ZNF878: variants seen among roughly 807,000 people sequenced by gnomAD.
The protein encoded by ZNF878 is zinc finger protein 878.
ZNF878 carries 10 observed loss-of-function variants against 11.1 expected under a neutral mutation model. The observed-to-expected ratio is 0.90, with a 90% CI of 0.56 to 1.53. ZNF878 has a LOEUF of 1.53. ZNF878 is among the 40% of genes most tolerant of loss of function. The pLI, the probability that ZNF878 is intolerant of heterozygous loss-of-function variation, is 0.00. For synonymous variants in ZNF878, 165 were observed against 209.7 expected (o/e 0.79, Z 1.84); for missense variants, 548 against 626.1 (o/e 0.88, Z 1.33).
At chr19:12,045,489 A>C (rs1054067665) in intron 3 of ZNF878, among the ~76,000 whole-genome samples, 1 of 151,996 alleles carries the variant, frequency 6.6e-6, no homozygotes, top group Non-Finnish European at 1.5e-5. Context: ...CTACTAAAAA[A>C]TACAAAAAAT....
intron 1 of ZNF878, among the ~76,000 whole-genome samples, chr19:12,048,300 C>T (rs1975514712): frequency 6.6e-6 from 1 of 151,378 alleles, no homozygotes; most frequent in Non-Finnish European, 1.5e-5. Context: ...GGGTGGATCA[C>T]GAGGTCAGGA....
chr19:12,044,049 T>C lies in ZNF878; in HGVS notation c.1352A>G (p.Tyr451Cys). The C allele has an allele frequency of 1.2e-6, 2 of 1,614,018 alleles. No individual in the cohort carries two copies. The highest frequency in any genetic ancestry group is 1.7e-6 in the Non-Finnish European group (2 of 1,180,004). Reference protein sequence around the residue: ...HERTHTGEKPYECKQCGKAFI... With the variant: ...HERTHTGEKPCECKQCGKAFI... ...GGCTTTTCCACATTGCTTACACTCA[T>C]AGGGTTTCTCTCCTGTGTGAGTCCT... Residue 451 changes from tyrosine to cysteine, a missense_variant, in exon 4 of 4, where the codon TAT becomes TGT. Transcript: ENST00000547628.
rs570415622 is a variant in ZNF878 at position 12,043,983 on chromosome 19, TGA to T, written c.1416_1417del (p.Thr474TrpfsTer6). The T allele has an allele frequency of 5.4e-4, 876 of 1,610,848 alleles. 13 individuals are homozygous for T. In the East Asian group the frequency reaches 0.018, roughly 33 times the overall value. On this transcript the variant is annotated frameshift_variant, in exon 4 of 4. Coordinates refer to ENST00000547628, the MANE Select transcript of ZNF878 (RefSeq NM_001080404.3). LOFTEE classifies it low-confidence loss of function (END_TRUNC). ...ACATTTATAGGGTTTCTCTCCAGTGTGAGTCCTTTTATGATAGCGAATAGAAT... is the reference window on the plus strand; with the variant it reads ...ACATTTATAGGGTTTCTCTCCAGTGTGTCCTTTTATGATAGCGAATAGAAT...
At chr19:12,046,893 A>G (rs1881075798) in intron 1 of ZNF878, 133 bp from the exon 2 acceptor site, 20 of 1,346,720 alleles carry the variant, frequency 1.5e-5, no homozygotes, top group Non-Finnish European at 1.9e-5. Flanking sequence ...CTTGGTCATC[A>G]GATCCCTTAC....
At chr19:12,046,902 A>G in intron 1 of ZNF878, 142 bp from the exon 2 acceptor site, 1 of 1,266,248 alleles carries the variant, frequency 7.9e-7, no homozygotes, top group South Asian at 1.5e-5. Context: ...CAGATCCCTT[A>G]CTCTGTCTAC....
intron 1 of ZNF878, among the ~76,000 whole-genome samples, chr19:12,047,524 A>C (rs796086436): frequency 6.6e-5 from 10 of 152,136 alleles, no homozygotes; most frequent in African/African-American, 2.4e-4. Context: ...AAAACGTGCC[A>C]CCACACTCCA....
rs1177100143 is a variant in ZNF878, at chr19:12,044,127, C to T, written c.1274G>A (p.Cys425Tyr). 6.2e-7 allele frequency: 1 copy of T among 1,613,838 alleles called. No individual in the cohort carries two copies. Among genetic ancestry groups the T allele is most frequent in the Non-Finnish European group, 8.5e-7 (1 of 1,179,988 alleles). The change falls in exon 4 of 4, where the codon TGT becomes TAT. Residue 425 changes from cysteine (C) to tyrosine (Y), a missense_variant. By Grantham distance (194) the Cys-to-Tyr change is radical (BLOSUM62 -2). Transcript: ENST00000547628. ...RTHTGEKPYG[C>Y]KQCGKVFRVA... ...TCTAAAGACTTTACCACATTGCTTACATCCATAGGGTTTCTCTCCTGTGTG... is the reference window on the plus strand; with the variant it reads ...TCTAAAGACTTTACCACATTGCTTATATCCATAGGGTTTCTCTCCTGTGTG...
chr19:12,049,481 A>AAAAAAAAAAG (rs1568352588), intron 1 of ZNF878, among the ~76,000 whole-genome samples: 8 of 149,020 alleles, frequency 5.4e-5, no homozygotes, highest in Admixed American at 1.3e-4. Flanking sequence ...AAAAAAAAAA[A>AAAAAAAAAAG]GAATAACAGG....
intron 1 of ZNF878, among the ~76,000 whole-genome samples, chr19:12,048,284 C>T (rs1412864926): frequency 1.3e-5 from 2 of 149,214 alleles, no homozygotes; most frequent in Non-Finnish European, 1.5e-5. Flanking sequence ...TTTGGGAGGC[C>T]GAGGCGGGTG....
chr19:12,049,983 G>A (rs1975535199), intron 1 of ZNF878, among the ~76,000 whole-genome samples: 2 of 152,116 alleles, frequency 1.3e-5, no homozygotes, highest in African/African-American at 4.8e-5. Flanking sequence ...CCAGCACTGT[G>A]GGAGGCCAAA....
chr19:12,043,863 C>A lies in ZNF878; in HGVS notation c.1538G>T (p.Gly513Val). 1 of 1,613,614 alleles carries A rather than the reference C, an allele frequency of 6.2e-7. No homozygotes were observed. Among genetic ancestry groups the A allele is most frequent in the Non-Finnish European group, 8.5e-7 (1 of 1,179,858 alleles). Residue 513 changes from glycine (G) to valine (V), a missense_variant, in exon 4 of 4, where the codon GGT (glycine) becomes GTT (valine). Physicochemically the swap from Gly to Val is moderately radical, Grantham distance 109. Coordinates refer to ENST00000547628, the MANE Select transcript of ZNF878 (RefSeq NM_001080404.3). ...GATTGAGGCAGATCTAAAGGCTTTA[C>A]CACATTGCTTACACTCATAGGGTTT... The part of the protein sequence containing the change: ...GEKPYECKQC[G>V]KAFRSASILQ...
intron 1 of ZNF878, 36 bp from the exon 2 acceptor site, chr19:12,046,796 A>G (rs1340198102): frequency 6.2e-7 from 1 of 1,612,392 alleles, no homozygotes; most frequent in Non-Finnish European, 8.5e-7. Flanking sequence ...AGGATGAGTG[A>G]GGCTGACAGC....
In ZNF878 at chr19:12,045,138, G is replaced by A. The variant is rs758107310; in HGVS notation, c.263C>T (p.Pro88Leu). The A allele has an allele frequency of 1.9e-6, 3 of 1,612,872 alleles. No homozygotes were observed. The highest frequency in any genetic ancestry group is 1.3e-5 in the African/African-American group (1 of 75,012). ...HQHGEVLTQV[P>L]DDTLKKKTPG... The stretch of plus-strand genomic sequence containing the variant: ...AGTTTTCTTCTTCAGTGTGTCATCT[G>A]GAACCTGTGTCAAAACTTCTCCATG... Residue 88 changes from proline to leucine, a missense_variant, in exon 4 of 4, where the codon CCA (proline) becomes CTA (leucine). This residue lies in a region of ZNF878 where 160 missense variants were observed against 173.3 expected (regional missense o/e 0.92). Transcript: ENST00000547628.
chr19:12,051,011 G>C (rs1210681429), intron 1 of ZNF878, among the ~76,000 whole-genome samples: 2 of 151,218 alleles, frequency 1.3e-5, no homozygotes, highest in East Asian at 3.9e-4. Context: ...CAGGACAATG[G>C]CGTGAACCCG....
At chr19:12,048,832 C>CAAA (rs561825894) in intron 1 of ZNF878, among the ~76,000 whole-genome samples, 1 of 86,382 alleles carries the variant, frequency 1.2e-5, no homozygotes. Context: ...GACTCTGTCT[C>CAAA]AAAAAAAAAA....
chr19:12,051,095 CAAAAAA>C (rs370628123), intron 1 of ZNF878, among the ~76,000 whole-genome samples: 1 of 37,188 alleles, frequency 2.7e-5, no homozygotes, highest in Non-Finnish European at 5.6e-5. Context: ...GACTCCGTCT[CAAAAAA>C]AAAAAAAAAA....
chr19:12,049,556 G>A (rs2145527031), intron 1 of ZNF878, among the ~76,000 whole-genome samples: 1 of 150,170 alleles, frequency 6.7e-6, no homozygotes, highest in Middle Eastern at 3.5e-3. Context: ...TGGAGCATGA[G>A]GTCAGGAGTT....
At chr19:12,051,681 C>T (rs909566416) in intron 1 of ZNF878, among the ~76,000 whole-genome samples, 1 of 151,826 alleles carries the variant, frequency 6.6e-6, no homozygotes, top group African/African-American at 2.4e-5. Flanking sequence ...CCGAAGTGGG[C>T]GGATCACAAA....
chr19:12,046,159 C>T, intron 3 of ZNF878: 1 of 492,704 alleles, frequency 2.0e-6, no homozygotes, highest in Middle Eastern at 5.3e-4. Context: ...CCTCAAACTC[C>T]CAGGTTCAAG....
Sources: gnomAD v4.1 joint callset for allele counts (sites outside exome capture counted in the v4.1 genomes callset) on GRCh38, gnomAD v4.1.1 for gene constraint, gnomAD v4.1.1 regional missense constraint, MANE v1.5 for transcripts, NCBI Gene and HGNC (gene_info 2026-07-23, HGNC 2026-07-21) for gene names.